Variants in SNX4 observed in about 807,000 individuals in gnomAD.
The protein encoded by SNX4 is sorting nexin 4.
A neutral mutation model predicts 70.8 loss-of-function variants in SNX4; 49 were observed. The ratio of observed to expected loss-of-function variants is 0.69; its 90% CI spans 0.55 to 0.88. The LOEUF (loss-of-function observed/expected upper bound fraction) is 0.88, where lower values mean the gene tolerates loss of function less well. SNX4 is among the 40% of genes least tolerant of loss of function. SNX4 has a pLI of 0.00. For synonymous variants in SNX4, 206 were observed against 183.8 expected (o/e 1.12, Z -0.98); for missense variants, 528 against 544.8 (o/e 0.97, Z 0.31).
chr3:125,464,178 A>G lies in SNX4; in HGVS notation c.855-3318T>C, dbSNP rs12633584. The stretch of plus-strand genomic sequence containing the variant: ...ATAATCATTACCACCACCCACCTCC[A>G]TAATTTTCTCATCGTCTGCAACTGA... On this transcript the variant is annotated intron_variant, in intron 9 of 13. Coordinates refer to ENST00000251775, the MANE Select transcript of SNX4 (RefSeq NM_003794.4). Among the ~76,000 whole-genome samples the G allele has an allele frequency of 1.1e-3, 162 of 152,308 alleles. 2 individuals carry two copies. The East Asian group carries it at 0.026, about 25-fold the overall frequency.
chr3:125,492,784 T>A (rs1287118699), intron 5 of SNX4, among the ~76,000 whole-genome samples: 1 of 152,208 alleles, frequency 6.6e-6, no homozygotes, highest in Non-Finnish European at 1.5e-5. Flanking sequence ...TACCTCACAC[T>A]GTAGGCACCA....
intron 8 of SNX4, among the ~76,000 whole-genome samples, chr3:125,473,656 C>T (rs962817969): frequency 2.0e-5 from 3 of 152,210 alleles, no homozygotes; most frequent in Non-Finnish European, 4.4e-5. Context: ...CTCAAGTGAT[C>T]TGCCCGCATC....
rs962129761 is a variant in SNX4 at position 125,454,009 on chromosome 3, C to T, written c.1045-54G>A. 22 of 1,452,058 alleles carry T rather than the reference C, an allele frequency of 1.5e-5. No homozygotes were observed. The African/African-American group carries it at 1.5e-4, about 10-fold the overall frequency. 89.9% of individuals were successfully genotyped at this position (1,452,058 alleles called of 1,614,324 possible). ...ATAAACAAAATGCGGCATACACATA[C>T]ACATACAATGGAACATTATTCAGCC... On this transcript the variant is annotated intron_variant, in intron 11 of 13. Transcript: ENST00000251775.
intron 2 of SNX4, among the ~76,000 whole-genome samples, chr3:125,501,277 C>T (rs1934926852): frequency 6.6e-6 from 1 of 151,176 alleles, no homozygotes; most frequent in African/African-American, 2.4e-5. Context: ...GACAGATAAA[C>T]CTGTCTTAAA....
intron 5 of SNX4, among the ~76,000 whole-genome samples, chr3:125,490,743 A>G (rs1934640353): frequency 6.6e-6 from 1 of 151,844 alleles, no homozygotes; most frequent in Non-Finnish European, 1.5e-5. Context: ...ATGTATACGT[A>G]ACACATCCAA....
intron 6 of SNX4, among the ~76,000 whole-genome samples, chr3:125,481,994 A>G (rs1271612621): frequency 2.0e-5 from 3 of 151,972 alleles, no homozygotes; most frequent in African/African-American, 7.3e-5. Flanking sequence ...TCAGCCTCCC[A>G]AACAGCTGAG....
chr3:125,509,937 G>T (rs1311522411), intron 1 of SNX4, among the ~76,000 whole-genome samples: 2 of 151,992 alleles, frequency 1.3e-5, no homozygotes, highest in Non-Finnish European at 2.9e-5. Flanking sequence ...TGGCTACTAT[G>T]AAAAACAAAC....
At chr3:125,475,060 A>G (rs1200790947) in intron 8 of SNX4, among the ~76,000 whole-genome samples, 1 of 152,156 alleles carries the variant, frequency 6.6e-6, no homozygotes, top group Non-Finnish European at 1.5e-5. Context: ...ACAGTTGACC[A>G]TATATTTTCA....
At chr3:125,458,658 T>C (rs1933788604) in intron 10 of SNX4, among the ~76,000 whole-genome samples, 2 of 147,710 alleles carry the variant, frequency 1.4e-5, no homozygotes, top group East Asian at 4.0e-4. Flanking sequence ...CTACTAAAAA[T>C]ACAAAAAAAG....
At chr3:125,510,390 C>T (rs1410223993) in intron 1 of SNX4, among the ~76,000 whole-genome samples, 2 of 151,962 alleles carry the variant, frequency 1.3e-5, no homozygotes, top group South Asian at 2.1e-4. Context: ...GCCACACGCC[C>T]GGCTATTTTT....
intron 1 of SNX4, among the ~76,000 whole-genome samples, chr3:125,516,562 C>T (rs1201930660): frequency 2.0e-5 from 3 of 152,124 alleles, no homozygotes; most frequent in African/African-American, 7.2e-5. Context: ...AAGGCTGGGC[C>T]GGGCACAGCG....
At chr3:125,496,204 G>A (rs1016985663) in intron 5 of SNX4, among the ~76,000 whole-genome samples, 4 of 152,114 alleles carry the variant, frequency 2.6e-5, no homozygotes, top group Non-Finnish European at 4.4e-5. Context: ...TGAGGCAGGC[G>A]GATCGCTTGA....
At chr3:125,460,947 T>TG in intron 9 of SNX4, 87 bp from the exon 10 acceptor site, 3 of 578,834 alleles carry the variant, frequency 5.2e-6, no homozygotes, top group Non-Finnish European at 8.7e-6. Context: ...GCAATTAGGC[T>TG]GGGCGCAGTG....
At chr3:125,469,563 T>TA (rs1469804051) in intron 8 of SNX4, 44 bp from the exon 9 acceptor site, 1 of 1,251,174 alleles carries the variant, frequency 8.0e-7, no homozygotes, top group Non-Finnish European at 1.2e-6. Context: ...GCATTAGAGA[T>TA]ATGGAATAGT....
intron 1 of SNX4, among the ~76,000 whole-genome samples, chr3:125,511,735 A>C (rs901788018): frequency 6.6e-6 from 1 of 152,118 alleles, no homozygotes; most frequent in African/African-American, 2.4e-5. Context: ...GTTTTAACTT[A>C]ATTTAAAATA....
intron 6 of SNX4, among the ~76,000 whole-genome samples, chr3:125,482,843 A>C (rs1344378601): frequency 6.6e-6 from 1 of 152,148 alleles, no homozygotes; most frequent in Non-Finnish European, 1.5e-5. Flanking sequence ...AAGGAAAATA[A>C]TTTAGGGATA....
At chr3:125,481,589 T>G (rs1934415017) in intron 6 of SNX4, among the ~76,000 whole-genome samples, 1 of 152,062 alleles carries the variant, frequency 6.6e-6, no homozygotes, top group Admixed American at 6.6e-5. Context: ...TCTGGGATTA[T>G]AGGCATGTAC....
At chr3:125,469,754 C>T (rs1934120446) in intron 8 of SNX4, among the ~76,000 whole-genome samples, 1 of 152,190 alleles carries the variant, frequency 6.6e-6, no homozygotes, top group Non-Finnish European at 1.5e-5. Context: ...AAGTATCATA[C>T]TCAACAGCTT....
chr3:125,506,502 G>A (rs1455013219), intron 1 of SNX4, among the ~76,000 whole-genome samples: 1 of 142,518 alleles, frequency 7.0e-6, no homozygotes, highest in Non-Finnish European at 1.5e-5. Context: ...CACCATACCA[G>A]GCTAATTTTT....
Sources: allele counts gnomAD v4.1 joint callset (sites outside exome capture counted in the v4.1 genomes callset), GRCh38; gene constraint gnomAD v4.1.1; transcripts MANE v1.5; gene names NCBI Gene and HGNC (gene_info 2026-07-23, HGNC 2026-07-21).